Variants in SLC67A1 observed in about 807,000 individuals in gnomAD.
The protein encoded by SLC67A1 is solute carrier family 67 member 1.
At chr11:2,917,463 G>A in the SLC67A1 span, among the ~76,000 whole-genome samples, 15 of 152,202 alleles carry the variant, frequency 9.9e-5, no homozygotes, top group African/African-American at 2.9e-4. Flanking sequence ...GAGACAATAA[G>A]GAGGAAGGAC....
the SLC67A1 span, among the ~76,000 whole-genome samples, chr11:2,924,414 G>A: frequency 6.6e-6 from 1 of 152,172 alleles, no homozygotes; most frequent in South Asian, 2.1e-4. This position sits in a 1 kb window ranked among gnomAD's most constrained non-coding sequence, Gnocchi z 8.6. Context: ...TGGCCAGGAG[G>A]GGCCGTGGGA....
chr11:2,908,103 T>C, the SLC67A1 span: 4 of 628,498 alleles, frequency 6.4e-6, no homozygotes, highest in Admixed American at 2.7e-5. Flanking sequence ...GGCCCCTCGA[T>C]GGTCATACTG....
the SLC67A1 span, chr11:2,909,796 T>A: frequency 7.4e-7 from 1 of 1,344,720 alleles, no homozygotes; most frequent in Non-Finnish European, 9.7e-7. Flanking sequence ...TGGCCTCGGT[T>A]TCCTCTTTTG....
the SLC67A1 span, chr11:2,909,711 G>A: frequency 2.1e-5 from 32 of 1,517,216 alleles, no homozygotes; most frequent in Middle Eastern, 1.7e-4. Flanking sequence ...CCGCGTACGG[G>A]TGAGTGGTGG....
the SLC67A1 span, among the ~76,000 whole-genome samples, chr11:2,910,269 G>T: frequency 1.2e-4 from 19 of 152,242 alleles, 1 homozygote; most frequent in African/African-American, 3.9e-4. Context: ...CCTCAACATT[G>T]CCCCCAGGAC....
At chr11:2,920,537 TG>T in the SLC67A1 span, 2 of 152,330 alleles carry the variant, frequency 1.3e-5, no homozygotes, top group Admixed American at 1.3e-4. Context: ...CAGACAGAGC[TG>T]GGGTGGTGAC....
the SLC67A1 span, chr11:2,918,019 G>A: frequency 1.2e-6 from 2 of 1,613,444 alleles, no homozygotes; most frequent in East Asian, 2.2e-5. Flanking sequence ...TCGACCTGAA[G>A]GCCATCGCCT....
chr11:2,921,526 C>T, the SLC67A1 span: 2 of 170,024 alleles, frequency 1.2e-5, no homozygotes, highest in Non-Finnish European at 2.5e-5. Context: ...GAGAGCCTCG[C>T]CCTGGCCTGG....
At chr11:2,904,074 T>G in the SLC67A1 span, among the ~76,000 whole-genome samples, 9 of 152,362 alleles carry the variant, frequency 5.9e-5, no homozygotes, top group African/African-American at 2.2e-4. Context: ...TAGTGTATCA[T>G]TCAGTAGTCT....
the SLC67A1 span, among the ~76,000 whole-genome samples, chr11:2,910,444 G>A: frequency 5.9e-5 from 9 of 152,134 alleles, no homozygotes; most frequent in East Asian, 5.8e-4. Context: ...CTGAGGAGGC[G>A]GCATCTGAGT....
the SLC67A1 span, chr11:2,922,295 C>T: frequency 2.0e-6 from 3 of 1,498,286 alleles, no homozygotes; most frequent in African/African-American, 1.4e-5. Flanking sequence ...CCCTTGGGGA[C>T]TCCTCCAGCC....
chr11:2,918,156 G>A, the SLC67A1 span: 1 of 1,359,752 alleles, frequency 7.4e-7, no homozygotes, highest in South Asian at 1.2e-5. Context: ...GCTGCGGCCA[G>A]GGCCCGGCCC....
At chr11:2,909,474 G>T in the SLC67A1 span, 3 of 1,437,626 alleles carry the variant, frequency 2.1e-6, no homozygotes, top group Non-Finnish European at 1.8e-6. Flanking sequence ...GGGCTGGACG[G>T]GGGTGGGGGG....
the SLC67A1 span, chr11:2,915,019 T>A: frequency 2.0e-4 from 201 of 985,340 alleles, no homozygotes; most frequent in Non-Finnish European, 2.3e-4. Flanking sequence ...CCTGAGTAGC[T>A]GACGTCCTGG....
chr11:2,909,635 G>A, the SLC67A1 span: 3 of 1,534,486 alleles, frequency 2.0e-6, no homozygotes, highest in African/African-American at 1.4e-5. Context: ...GCGGCCCTGG[G>A]CCGGCTGGGC....
At chr11:2,916,588 C>A in the SLC67A1 span, 20 of 1,563,494 alleles carry the variant, frequency 1.3e-5, no homozygotes, top group African/African-American at 2.6e-4. Context: ...GCCCTGGGAC[C>A]CGCACCCTGT....
At chr11:2,908,134 C>G in the SLC67A1 span, 1 of 757,240 alleles carries the variant, frequency 1.3e-6, no homozygotes. Flanking sequence ...AGAACCCAGG[C>G]CCTCGGTCCC....
At chr11:2,911,505 G>A in the SLC67A1 span, among the ~76,000 whole-genome samples, 42 of 152,228 alleles carry the variant, frequency 2.8e-4, no homozygotes, top group African/African-American at 9.6e-4. Flanking sequence ...GGGTGAGGAA[G>A]GGCGTGAGGA....
chr11:2,915,506 G>A, the SLC67A1 span, among the ~76,000 whole-genome samples: 1 of 152,204 alleles, frequency 6.6e-6, no homozygotes, highest in East Asian at 1.9e-4. Context: ...CTGCGTGTGT[G>A]AATGGCTCAC....
Sources: allele counts gnomAD v4.1 joint callset (sites outside exome capture counted in the v4.1 genomes callset), GRCh38; gene constraint gnomAD v4.1.1; non-coding constraint Gnocchi (gnomAD v3.1); transcripts MANE v1.5; gene names NCBI Gene and HGNC (gene_info 2026-07-23, HGNC 2026-07-21).